The following ATXN1 variants were observed in gnomAD, a reference collection of about 807,000 sequenced individuals.
ATXN1 encodes ataxin 1.
In ATXN1, 8 loss-of-function variants were observed where a neutral mutation model predicts 56.4. The ratio of observed to expected loss-of-function variants is 0.14; its 90% CI spans 0.08 to 0.26. ATXN1 has a LOEUF of 0.26. Among genes scored for constraint, ATXN1 ranks in the 10% least tolerant of loss-of-function variants. ATXN1 has a pLI of 1.00. For synonymous variants in ATXN1, 514 were observed against 494.6 expected (o/e 1.04, Z -0.52); for missense variants, 987 against 1,106.5 (o/e 0.89, Z 1.53).
At chr6:16,737,185 C>A (rs1052200095) in intron 2 of ATXN1, 5 of 152,188 alleles carry the variant, frequency 3.3e-5, no homozygotes, top group South Asian at 2.1e-4. Flanking sequence ...GACGTTTCTG[C>A]CAACCGCCTG....
intron 6 of ATXN1, among the ~76,000 whole-genome samples, chr6:16,482,966 C>T (rs1424270315): frequency 6.6e-6 from 1 of 152,178 alleles, no homozygotes; most frequent in Non-Finnish European, 1.5e-5. Flanking sequence ...AAAACCACCA[C>T]TGGAGGTGAT....
At chr6:16,413,224 T>C (rs1758837771) in intron 6 of ATXN1, among the ~76,000 whole-genome samples, 1 of 152,140 alleles carries the variant, frequency 6.6e-6, no homozygotes. Flanking sequence ...TCAAAAGAAC[T>C]TCCTCGAAAT....
chr6:16,456,188 G>A (rs559217118), intron 6 of ATXN1, among the ~76,000 whole-genome samples: 7 of 152,140 alleles, frequency 4.6e-5, no homozygotes, highest in Non-Finnish European at 8.8e-5. Context: ...GTGAAGGTCC[G>A]TGCCTCCATT....
At chr6:16,363,726 A>G (rs746959710) in intron 6 of ATXN1, among the ~76,000 whole-genome samples, 6 of 152,124 alleles carry the variant, frequency 3.9e-5, no homozygotes, top group Non-Finnish European at 7.4e-5. Context: ...CCTCTCAGCA[A>G]TCTATTACGG....
chr6:16,516,343 G>A (rs746636576), intron 5 of ATXN1, among the ~76,000 whole-genome samples: 36 of 152,190 alleles, frequency 2.4e-4, no homozygotes, highest in Non-Finnish European at 4.4e-4. Flanking sequence ...ACTGTGTGCT[G>A]TGTGAGAGGA....
intron 2 of ATXN1, among the ~76,000 whole-genome samples, chr6:16,718,158 T>C (rs573089555): frequency 2.0e-5 from 3 of 152,370 alleles, no homozygotes; most frequent in Admixed American, 6.5e-5. Flanking sequence ...GGGTCAATGA[T>C]GCCCAGAAAA....
chr6:16,674,305 C>T (rs146374933), intron 2 of ATXN1, among the ~76,000 whole-genome samples: 1 of 150,010 alleles, frequency 6.7e-6, no homozygotes, highest in East Asian at 2.0e-4. Context: ...CAGAGGTCAG[C>T]ACTTGCTATT....
chr6:16,332,195 A>G (rs1305445747), intron 6 of ATXN1, among the ~76,000 whole-genome samples: 1 of 152,158 alleles, frequency 6.6e-6, no homozygotes, highest in Non-Finnish European at 1.5e-5. Flanking sequence ...ACGCTGAGGT[A>G]TGTGTCCCTT....
chr6:16,535,569 A>T (rs1761581125), intron 4 of ATXN1, among the ~76,000 whole-genome samples: 1 of 152,262 alleles, frequency 6.6e-6, no homozygotes, highest in Non-Finnish European at 1.5e-5. Flanking sequence ...TCATATTGAT[A>T]TAAATAAATT....
At chr6:16,437,459 C>T (rs1759418817) in intron 6 of ATXN1, among the ~76,000 whole-genome samples, 1 of 152,210 alleles carries the variant, frequency 6.6e-6, no homozygotes, top group Non-Finnish European at 1.5e-5. Flanking sequence ...GATGTTTCTG[C>T]TCTTCCCATG....
In ATXN1 at chr6:16,760,846, G is replaced by A. The variant is rs1203834629; in HGVS notation, c.-730+452C>T. 2.0e-5 allele frequency among the ~76,000 whole-genome samples: 3 copies of A among 150,560 alleles called. No individual in the cohort carries two copies. Among genetic ancestry groups the A allele is most frequent in the African/African-American group, 4.9e-5 (2 of 41,136 alleles). On this transcript the variant is annotated intron_variant, in intron 1 of 7. Coordinates refer to ENST00000436367, the MANE Select transcript of ATXN1 (RefSeq NM_001128164.2). This position sits in a 1 kb window ranked among gnomAD's most constrained non-coding sequence, Gnocchi z 5.3. Reference sequence around the variant, plus strand: ...CGCCTCCCCCCTGCGCCACCCGGAGGGAGGAGGACATGGCTCTCCGCACTT... The same window carrying A: ...CGCCTCCCCCCTGCGCCACCCGGAGAGAGGAGGACATGGCTCTCCGCACTT...
chr6:16,678,327 C>A (rs1758729058), intron 2 of ATXN1, among the ~76,000 whole-genome samples: 1 of 152,188 alleles, frequency 6.6e-6, no homozygotes, highest in Non-Finnish European at 1.5e-5. Flanking sequence ...GCCAACTATT[C>A]AATATTTTCA....
chr6:16,577,720 T>C (rs1762450055), intron 4 of ATXN1, among the ~76,000 whole-genome samples: 1 of 152,194 alleles, frequency 6.6e-6, no homozygotes, highest in African/African-American at 2.4e-5. Flanking sequence ...ATTTTGCCTC[T>C]GATATGACTG....
At chr6:16,741,122 T>C (rs1760326360) in intron 2 of ATXN1, among the ~76,000 whole-genome samples, 1 of 152,226 alleles carries the variant, frequency 6.6e-6, no homozygotes, top group Admixed American at 6.5e-5. Context: ...CACTGGAATC[T>C]AGTAAATCAG....
At chr6:16,492,076 C>G (rs12332862) in intron 5 of ATXN1, among the ~76,000 whole-genome samples, 7,450 of 152,230 alleles carry the variant, frequency 0.049, 598 homozygotes, top group African/African-American at 0.17. Flanking sequence ...CAATTTCAGT[C>G]TTATGAAACC....
intron 6 of ATXN1, among the ~76,000 whole-genome samples, chr6:16,342,850 G>A (rs1016002566): frequency 6.6e-5 from 10 of 152,184 alleles, no homozygotes; most frequent in Non-Finnish European, 1.0e-4. Flanking sequence ...TAGAACAGGC[G>A]TTAGCAGGAG....
intron 7 of ATXN1, among the ~76,000 whole-genome samples, chr6:16,317,746 C>T (rs1195034663): frequency 6.6e-6 from 1 of 152,060 alleles, no homozygotes; most frequent in African/African-American, 2.4e-5. Context: ...CTTTCCCTCC[C>T]TCCTCCCACT....
intron 2 of ATXN1, among the ~76,000 whole-genome samples, chr6:16,696,929 C>T (rs1362906517): frequency 1.3e-5 from 2 of 152,212 alleles, no homozygotes; most frequent in South Asian, 2.1e-4. Context: ...TTTCTCGACT[C>T]TTCTTTCTCT....
At chr6:16,546,664 A>C (rs12524208) in intron 4 of ATXN1, among the ~76,000 whole-genome samples, 5 of 152,146 alleles carry the variant, frequency 3.3e-5, no homozygotes, top group African/African-American at 1.2e-4. Context: ...CTTCTGACAT[A>C]CTTATAAAAA....
Sources: allele counts gnomAD v4.1 joint callset (sites outside exome capture counted in the v4.1 genomes callset), GRCh38; gene constraint gnomAD v4.1.1; non-coding constraint Gnocchi (gnomAD v3.1); transcripts MANE v1.5; gene names NCBI Gene and HGNC (gene_info 2026-07-23, HGNC 2026-07-21).